INPP5D: variants seen among roughly 807,000 people sequenced by gnomAD.
INPP5D encodes inositol polyphosphate-5-phosphatase D.
In INPP5D, 33 loss-of-function variants were observed where a neutral mutation model predicts 122.9. That is an observed-to-expected ratio of 0.27 (90% CI 0.20 to 0.36). INPP5D has a LOEUF of 0.36. Ranked by LOEUF, INPP5D falls within the 10% of genes least tolerant of loss-of-function variation. The pLI is 1.00. For synonymous variants in INPP5D, 584 were observed against 576.2 expected, an observed-to-expected ratio of 1.01 and a Z score of -0.19; for missense variants, 1,053 against 1,412.7, an observed-to-expected ratio of 0.75 and a Z score of 4.08.
chr2:233,099,344 T>C (rs1692239534), intron 2 of INPP5D, among the ~76,000 whole-genome samples: 1 of 152,236 alleles, frequency 6.6e-6, no homozygotes, highest in African/African-American at 2.4e-5. Context: ...ATCCTGGCTC[T>C]AGCACCTGGC....
intron 1 of INPP5D, among the ~76,000 whole-genome samples, chr2:233,076,023 A>T (rs1030862507): frequency 6.6e-6 from 1 of 152,156 alleles, no homozygotes; most frequent in African/African-American, 2.4e-5. Flanking sequence ...TTTGTCTGCC[A>T]CACTTGATTG....
intron 5 of INPP5D, among the ~76,000 whole-genome samples, chr2:233,136,865 T>C (rs6759973): frequency 0.84 from 127,321 of 152,264 alleles, 53,987 homozygotes; most frequent in Non-Finnish European, 0.92. Context: ...ATTAATAATC[T>C]GCATTAAAGA....
At chr2:233,202,972 A>C (rs563316296) in intron 25 of INPP5D, among the ~76,000 whole-genome samples, 1 of 152,266 alleles carries the variant, frequency 6.6e-6, no homozygotes, top group South Asian at 2.1e-4. Context: ...CACAGCCACC[A>C]CGTGTTCCTT....
At chr2:233,075,032 A>G (rs1405248354) in intron 1 of INPP5D, among the ~76,000 whole-genome samples, 1 of 151,904 alleles carries the variant, frequency 6.6e-6, no homozygotes. Flanking sequence ...CTCGTACTAC[A>G]TCAGGGTTGA....
At chr2:233,121,006 A>G (rs1183141109) in intron 2 of INPP5D, among the ~76,000 whole-genome samples, 2 of 152,228 alleles carry the variant, frequency 1.3e-5, no homozygotes, top group Non-Finnish European at 2.9e-5. Context: ...AAAAAATAAA[A>G]GTAACTTCCC....
intron 5 of INPP5D, among the ~76,000 whole-genome samples, chr2:233,139,505 T>TGTGTGTGTGTGTG (rs1574759280): frequency 6.9e-6 from 1 of 145,230 alleles, no homozygotes; most frequent in African/African-American, 2.6e-5. Context: ...TGTGTGTGTG[T>TGTGTGTGTGTGTG]TTTATAAACA....
rs1337909767 is a variant in INPP5D, at chr2:233,188,672, CTG to C, written c.2359-1176_2359-1175del. Among the ~76,000 whole-genome samples the C allele has an allele frequency of 6.6e-6, 1 of 152,200 alleles. No individual in the cohort carries two copies. The highest frequency in any genetic ancestry group is 1.5e-5 in the Non-Finnish European group (1 of 68,028). On this transcript the variant is annotated intron_variant, in intron 21 of 26. Coordinates refer to ENST00000445964, the MANE Select transcript of INPP5D (RefSeq NM_001017915.3). This position sits in a 1 kb window ranked among gnomAD's most constrained non-coding sequence, Gnocchi z 4.7. ...CGCCTCCAAGGTTCAAGCGATTTGC[CTG>C]TCTCAGCCTCCCGAGTACCTGGGAC... is the stretch of plus-strand genomic sequence containing the variant.
At chr2:233,185,785 CT>C (rs1211568343) in intron 20 of INPP5D, 57 bp from the exon 21 acceptor site, 26 of 1,462,406 alleles carry the variant, frequency 1.8e-5, no homozygotes, top group Non-Finnish European at 2.4e-5. Context: ...CCCAGGGAGT[CT>C]TTTCTGTCTG....
At chr2:233,123,406 A>G (rs192665510) in intron 3 of INPP5D, among the ~76,000 whole-genome samples, 1 of 151,494 alleles carries the variant, frequency 6.6e-6, no homozygotes, top group Non-Finnish European at 1.5e-5. Context: ...GTGAGCCAAG[A>G]TCGCACCACT....
At chr2:233,151,393 G>T (rs751935466) in intron 9 of INPP5D, among the ~76,000 whole-genome samples, 5 of 152,060 alleles carry the variant, frequency 3.3e-5, no homozygotes, top group Non-Finnish European at 4.4e-5. Context: ...CCCACAGACT[G>T]CCAGCCCACT....
Position 233,198,292 on chromosome 2 carries a change from C to T in INPP5D, c.2891C>T (p.Pro964Leu). The T allele has an allele frequency of 6.2e-7, 1 of 1,613,638 alleles. No homozygotes were observed. Among genetic ancestry groups the T allele is most frequent in the Non-Finnish European group, 8.5e-7 (1 of 1,179,906 alleles). ...GPCRGESPPT[P>L]PGQPPISPKK... ...TGCAGGGGAGAAAGTCCTCCGACAC[C>T]TCCCGGCCAGCCGCCCATATCACCC... Residue 964 changes from proline (P) to leucine (L), a missense_variant, in exon 25 of 27, where the codon CCT becomes CTT. By Grantham distance (98) the Pro-to-Leu change is moderately conservative. Around this residue, in one of 6 missense-constraint regions of INPP5D, gnomAD observed 417 missense variants for 425.8 expected, o/e 0.98. Coordinates refer to ENST00000445964, the MANE Select transcript of INPP5D (RefSeq NM_001017915.3).
At chr2:233,141,939 A>C (rs1449388402) in intron 6 of INPP5D, among the ~76,000 whole-genome samples, 1 of 152,254 alleles carries the variant, frequency 6.6e-6, no homozygotes, top group Admixed American at 6.5e-5. Context: ...AAATTCAGAA[A>C]AAAAAATTTT....
In INPP5D at chr2:233,099,470, G is replaced by A. The variant is rs544001713; in HGVS notation, c.198+20072G>A. 2.6e-5 allele frequency among the ~76,000 whole-genome samples: 4 copies of A among 152,342 alleles called. No homozygotes were observed. In the East Asian group the frequency reaches 7.7e-4, roughly 29 times the overall value. On this transcript the variant is annotated intron_variant, in intron 2 of 26. Transcript: ENST00000445964. ...AGGAACCAACAGCACAGACGCCTATGTCTGGACTGACACTGGTGTGGCCTC... is the reference window on the plus strand; with the variant it reads ...AGGAACCAACAGCACAGACGCCTATATCTGGACTGACACTGGTGTGGCCTC...
At chr2:233,137,476 TG>T (rs67643061) in intron 5 of INPP5D, among the ~76,000 whole-genome samples, 54,053 of 146,526 alleles carry the variant, frequency 0.37, 11,377 homozygotes, top group Non-Finnish European at 0.46. Flanking sequence ...TTTTATGAGA[TG>T]GTGGCGTCTC....
At chr2:233,184,641 C>T (rs2106315374) in intron 20 of INPP5D, 120 bp downstream of exon 20, 2 of 1,393,346 alleles carry the variant, frequency 1.4e-6, no homozygotes, top group East Asian at 5.0e-5. Context: ...CGAAGCTGAT[C>T]AGAGAAGTGG....
At chr2:233,075,686 G>A (rs923762518) in intron 1 of INPP5D, among the ~76,000 whole-genome samples, 1 of 152,084 alleles carries the variant, frequency 6.6e-6, no homozygotes, top group Non-Finnish European at 1.5e-5. Flanking sequence ...TTCCTCCACC[G>A]CTTGGCAGAG....
At chr2:233,104,388 T>G (rs991264241) in intron 2 of INPP5D, among the ~76,000 whole-genome samples, 2 of 152,186 alleles carry the variant, frequency 1.3e-5, no homozygotes, top group Non-Finnish European at 2.9e-5. Flanking sequence ...CACAATGCAT[T>G]TCATCTTCAA....
intron 2 of INPP5D, among the ~76,000 whole-genome samples, chr2:233,095,193 T>C (rs148803024): frequency 1.6e-4 from 25 of 152,320 alleles, no homozygotes; most frequent in African/African-American, 5.8e-4. Context: ...CAGGGTGATA[T>C]TGTTGTAGGA....
chr2:233,107,921 C>T lies in INPP5D; in HGVS notation c.199-14186C>T, dbSNP rs1231945089. Among the ~76,000 whole-genome samples the T allele has an allele frequency of 2.0e-5, 3 of 152,248 alleles. No homozygotes were observed. The South Asian group carries it at 6.2e-4, about 32-fold the overall frequency. ...CCCTTCTGCACACTGAGATTCTGACCGAGACTGGCATTGGCTTTTACCCTT... is the reference window on the plus strand; with the variant it reads ...CCCTTCTGCACACTGAGATTCTGACTGAGACTGGCATTGGCTTTTACCCTT... On this transcript the variant is annotated intron_variant, in intron 2 of 26. Transcript: ENST00000445964.
Sources: allele counts gnomAD v4.1 joint callset (sites outside exome capture counted in the v4.1 genomes callset), GRCh38; gene constraint gnomAD v4.1.1; regional missense constraint gnomAD v4.1.1; non-coding constraint Gnocchi (gnomAD v3.1); transcripts MANE v1.5; gene names NCBI Gene and HGNC (gene_info 2026-07-23, HGNC 2026-07-21).